PRKAA2: variants seen among roughly 807,000 people sequenced by gnomAD.
The protein encoded by PRKAA2 is 5'-AMP-activated protein kinase catalytic subunit alpha-2.
Under a neutral mutation model 56.3 loss-of-function variants are expected in PRKAA2, and 40 were observed. The ratio of observed to expected loss-of-function variants is 0.71; its 90% CI spans 0.55 to 0.92. PRKAA2 has a LOEUF of 0.92. Among genes scored for constraint, PRKAA2 ranks in the 40% least tolerant of loss-of-function variants. The probability of loss-of-function intolerance (pLI) is 0.00; values close to 1 mark genes in which losing one functional copy is unlikely to be tolerated. For missense variants in PRKAA2, 542 were observed against 686.9 expected, an observed-to-expected ratio of 0.79 and a Z score of 2.36; for synonymous variants, 214 against 234.2, an observed-to-expected ratio of 0.91 and a Z score of 0.79.
intron 2 of PRKAA2, among the ~76,000 whole-genome samples, chr1:56,682,608 T>G (rs1159652588): frequency 6.6e-6 from 1 of 152,136 alleles, no homozygotes; most frequent in Non-Finnish European, 1.5e-5. Flanking sequence ...CTAAGAAATT[T>G]GATTGTGTTC....
intron 1 of PRKAA2, among the ~76,000 whole-genome samples, chr1:56,653,308 C>G (rs1643915884): frequency 6.7e-6 from 1 of 150,292 alleles, no homozygotes; most frequent in African/African-American, 2.4e-5. Flanking sequence ...TGAATTGTGT[C>G]CTTAATATCT....
chr1:56,654,773 C>G (rs1440937550), intron 1 of PRKAA2, among the ~76,000 whole-genome samples: 1 of 152,094 alleles, frequency 6.6e-6, no homozygotes, highest in Non-Finnish European at 1.5e-5. Context: ...TTCAAGGGAA[C>G]AGTATTCTTG....
At chr1:56,693,635 G>A (rs1644241972) in intron 4 of PRKAA2, 130 bp from the exon 5 acceptor site, 2 of 547,954 alleles carry the variant, frequency 3.6e-6, no homozygotes, top group South Asian at 7.9e-5. Flanking sequence ...GCTTTCCACT[G>A]CTTTTTTTTA....
intron 2 of PRKAA2, among the ~76,000 whole-genome samples, chr1:56,681,533 A>C (rs536166011): frequency 6.6e-6 from 1 of 152,332 alleles, no homozygotes; most frequent in African/African-American, 2.4e-5. Context: ...TAATTTTTGT[A>C]TAAGGTGTAA....
chr1:56,693,828 C>A lies in PRKAA2; in HGVS notation c.539C>A (p.Ala180Glu). Residue 180 changes from alanine (A) to glutamate (E), a missense_variant, in exon 5 of 9, where the codon GCA becomes GAA. By Grantham distance (107) the Ala-to-Glu change is moderately radical. This residue lies in a region of PRKAA2 where 121 missense variants were observed against 210.0 expected (regional missense o/e 0.58). Coordinates refer to ENST00000371244, the MANE Select transcript of PRKAA2 (RefSeq NM_006252.4). ...LRTSCGSPNY[A>E]APEVISGRLY... ...ACTAGTTGCGGATCTCCAAATTATG[C>A]AGCACCTGAAGTCATCTCAGGCAGG... The A allele has an allele frequency of 1.3e-6, 2 of 1,596,168 alleles. No homozygotes were observed. The highest frequency in any genetic ancestry group is 1.7e-6 in the Non-Finnish European group (2 of 1,167,840).
chr1:56,652,095 C>A (rs528049072), intron 1 of PRKAA2, among the ~76,000 whole-genome samples: 5 of 151,058 alleles, frequency 3.3e-5, no homozygotes, highest in Middle Eastern at 3.4e-3. Flanking sequence ...TCACTACAAC[C>A]TCTGCCTCCT....
intron 5 of PRKAA2, 143 bp downstream of exon 5, chr1:56,693,995 A>G: frequency 1.9e-6 from 1 of 526,260 alleles, no homozygotes; most frequent in Non-Finnish European, 3.2e-6. Flanking sequence ...TAAAGGGATA[A>G]TGGTTATATC....
intron 6 of PRKAA2, among the ~76,000 whole-genome samples, chr1:56,697,916 G>C (rs1409325994): frequency 6.6e-6 from 1 of 151,846 alleles, no homozygotes; most frequent in African/African-American, 2.4e-5. Flanking sequence ...ACTGGGAAGA[G>C]TTAATTTGTA....
chr1:56,696,149 A>G lies in PRKAA2; in HGVS notation c.778A>G (p.Lys260Glu), dbSNP rs777723104. Reference protein sequence around the residue: ...QVDPLKRATIKDIREHEWFKQ... With the variant: ...QVDPLKRATIEDIREHEWFKQ... ...TGACCCACTGAAACGAGCAACTATC[A>G]AAGACATAAGGTGATTTTTCTTTTT... Residue 260 changes from lysine to glutamate, a missense_variant, in exon 6 of 9, where the codon AAA (lysine) becomes GAA (glutamate). Coordinates refer to ENST00000371244, the MANE Select transcript of PRKAA2 (RefSeq NM_006252.4). The G allele has an allele frequency of 5.6e-6, 9 of 1,611,136 alleles. No homozygotes were observed. Among genetic ancestry groups the G allele is most frequent in the Middle Eastern group, 1.6e-4 (1 of 6,080 alleles).
intron 1 of PRKAA2, among the ~76,000 whole-genome samples, chr1:56,651,651 ATATT>A (rs1357017390): frequency 6.6e-6 from 1 of 152,216 alleles, no homozygotes; most frequent in Admixed American, 6.5e-5. Flanking sequence ...CTTTCAGTCC[ATATT>A]TAGAGATAAA....
intron 2 of PRKAA2, among the ~76,000 whole-genome samples, chr1:56,682,966 C>G (rs187610934): frequency 6.6e-6 from 1 of 151,304 alleles, no homozygotes; most frequent in African/African-American, 2.4e-5. Flanking sequence ...AAGTTCTGTT[C>G]AACAGTCCTG....
chr1:56,665,244 T>C (rs1468312003), intron 1 of PRKAA2, among the ~76,000 whole-genome samples: 1 of 152,054 alleles, frequency 6.6e-6, no homozygotes, highest in Non-Finnish European at 1.5e-5. Context: ...CAGCTAGTTT[T>C]TGTATTTTTA....
chr1:56,662,430 TA>T (rs1644002258), intron 1 of PRKAA2, among the ~76,000 whole-genome samples: 1 of 151,996 alleles, frequency 6.6e-6, no homozygotes, highest in African/African-American at 2.4e-5. Flanking sequence ...TTCAATTTTT[TA>T]ATTAAATAGA....
intron 4 of PRKAA2, 101 bp downstream of exon 4, chr1:56,692,603 A>C: frequency 8.1e-7 from 1 of 1,229,762 alleles, no homozygotes; most frequent in Admixed American, 2.8e-5. Context: ...TACGTTCTGT[A>C]CCATGAAAAG....
At chr1:56,665,383 C>T (rs1041620040) in intron 1 of PRKAA2, among the ~76,000 whole-genome samples, 2 of 152,116 alleles carry the variant, frequency 1.3e-5, no homozygotes, top group Non-Finnish European at 2.9e-5. Context: ...CTAGCTAGTA[C>T]CTTTCTAAAG....
At chr1:56,658,786 C>G (rs1391959704) in intron 1 of PRKAA2, among the ~76,000 whole-genome samples, 2 of 151,166 alleles carry the variant, frequency 1.3e-5, no homozygotes, top group African/African-American at 4.9e-5. Flanking sequence ...GTCCCCCAGG[C>G]TGGAGTGCAA....
Position 56,707,745 on chromosome 1 carries a change from A to T in PRKAA2, c.*32A>T. 7.9e-6 allele frequency: 12 copies of T among 1,516,828 alleles called. No homozygotes were observed. Among genetic ancestry groups the T allele is most frequent in the South Asian group, 1.1e-5 (1 of 87,458 alleles). 94.0% of individuals were successfully genotyped at this position (1,516,828 alleles called of 1,614,324 possible). A position where few individuals can be genotyped will look rare whatever the true frequency, so the allele number is the denominator to read the frequency against. On this transcript the variant is annotated 3_prime_UTR_variant, in exon 9 of 9. Transcript: ENST00000371244. ...TCTAGTTTCTTTCTGTTATTGCACT[A>T]TGAAAATCAGTTATATTCTTTAAAT... is the stretch of plus-strand genomic sequence containing the variant.
chr1:56,714,652 CTG>C lies in PRKAA2; in HGVS notation c.*6942_*6943del, dbSNP rs1214760111. ...AGCTCTCAAGACTGTTCACAAATAT[CTG>C]TGGTTGTACAATGTTTTGAACATTT... On this transcript the variant is annotated 3_prime_UTR_variant, in exon 9 of 9. Transcript: ENST00000371244. The C allele has an allele frequency of 1.3e-5, 2 of 152,098 alleles. No homozygotes were observed. Among genetic ancestry groups the C allele is most frequent in the Admixed American group, 6.6e-5 (1 of 15,264 alleles). 9.4% of individuals were successfully genotyped at this position (152,098 alleles called of 1,614,324 possible).
intron 1 of PRKAA2, among the ~76,000 whole-genome samples, chr1:56,655,280 A>ATTTTTTTTTTTTTT (rs1207874046): frequency 5.3e-5 from 5 of 93,680 alleles, no homozygotes; most frequent in East Asian, 4.6e-4. Flanking sequence ...ATATATATAT[A>ATTTTTTTTTTTTTT]TTTTTTTTTT....
Sources: gnomAD v4.1 joint callset for allele counts (sites outside exome capture counted in the v4.1 genomes callset) on GRCh38, gnomAD v4.1.1 for gene constraint, gnomAD v4.1.1 regional missense constraint, MANE v1.5 for transcripts, NCBI Gene and HGNC (gene_info 2026-07-23, HGNC 2026-07-21) for gene names.